Variants in CACNB4 observed in about 807,000 individuals in gnomAD.
The protein encoded by CACNB4 is calcium voltage-gated channel auxiliary subunit beta 4, also known as voltage-dependent L-type calcium channel subunit beta-4.
CACNB4 carries 32 observed loss-of-function variants against 71.2 expected under a neutral mutation model. The observed-to-expected ratio is 0.45, with a 90% CI of 0.34 to 0.60. The LOEUF is 0.60. CACNB4 is among the 20% of genes least tolerant of loss of function. CACNB4 has a pLI of 0.01. For synonymous variants in CACNB4, 231 were observed against 236.9 expected, an observed-to-expected ratio of 0.97 and a Z score of 0.23; for missense variants, 464 against 647.9, an observed-to-expected ratio of 0.72 and a Z score of 3.08.
intron 2 of CACNB4, among the ~76,000 whole-genome samples, chr2:152,067,937 T>C (rs1175439100): frequency 6.6e-6 from 1 of 152,200 alleles, no homozygotes; most frequent in Non-Finnish European, 1.5e-5. Flanking sequence ...GAGGTAATAT[T>C]AAAATTATAT....
At chr2:152,032,326 C>T (rs1351697765) in intron 2 of CACNB4, among the ~76,000 whole-genome samples, 2 of 152,226 alleles carry the variant, frequency 1.3e-5, no homozygotes, top group African/African-American at 4.8e-5. Context: ...TGTCTCCTGA[C>T]TCTCAGTGTA....
chr2:152,037,161 C>T (rs1684639383), intron 2 of CACNB4, among the ~76,000 whole-genome samples: 1 of 152,192 alleles, frequency 6.6e-6, no homozygotes, highest in Admixed American at 6.5e-5. Flanking sequence ...TGTTTTGTTA[C>T]CTTCTCAATG....
chr2:151,945,975 CTAT>C (rs1455629429), intron 2 of CACNB4, among the ~76,000 whole-genome samples: 1 of 151,166 alleles, frequency 6.6e-6, no homozygotes, highest in Non-Finnish European at 1.5e-5. Flanking sequence ...TAAATGTTAG[CTAT>C]TATTATTACT....
At chr2:152,093,485 T>TA (rs1688098313) in intron 2 of CACNB4, among the ~76,000 whole-genome samples, 1 of 151,870 alleles carries the variant, frequency 6.6e-6, no homozygotes, top group African/African-American at 2.4e-5. Flanking sequence ...CATCAAAAGA[T>TA]AGTCTGTTTT....
At chr2:151,840,454 A>G (rs139023810) in intron 13 of CACNB4, among the ~76,000 whole-genome samples, 1 of 152,392 alleles carries the variant, frequency 6.6e-6, no homozygotes, top group African/African-American at 2.4e-5. Flanking sequence ...TTGCATTTCT[A>G]CGTACATTAC....
intron 2 of CACNB4, among the ~76,000 whole-genome samples, chr2:152,007,040 A>G (rs1162715393): frequency 6.6e-6 from 1 of 152,210 alleles, no homozygotes; most frequent in Non-Finnish European, 1.5e-5. Context: ...GAGATGAGCA[A>G]TAAGTTAGAT....
chr2:152,021,308 C>T (rs951920549), intron 2 of CACNB4, among the ~76,000 whole-genome samples: 2 of 152,002 alleles, frequency 1.3e-5, no homozygotes, highest in African/African-American at 4.8e-5. Context: ...ATATTCTCTA[C>T]CTTATATTTA....
rs528231616 is a variant in CACNB4, at chr2:152,006,783, C to T, written c.147+91547G>A. On this transcript the variant is annotated intron_variant, in intron 2 of 13. Coordinates refer to ENST00000539935, the MANE Select transcript of CACNB4 (RefSeq NM_000726.5). Reference sequence around the variant, plus strand: ...CATACGAACCCTACATACCAACCATCGTCATGGCAGCTGAATATTTAAGTT... The same window carrying T: ...CATACGAACCCTACATACCAACCATTGTCATGGCAGCTGAATATTTAAGTT... 3.9e-5 allele frequency among the ~76,000 whole-genome samples: 6 copies of T among 152,302 alleles called. No homozygotes were observed. The South Asian group carries it at 1.0e-3, about 26-fold the overall frequency.
At chr2:151,858,881 A>G (rs528654770) in intron 10 of CACNB4, 1 of 152,030 alleles carries the variant, frequency 6.6e-6, no homozygotes, top group Non-Finnish European at 1.5e-5. Flanking sequence ...ACATCTCTTA[A>G]CCCCTACTCT....
At chr2:151,884,756 C>T (rs1247544450) in intron 2 of CACNB4, among the ~76,000 whole-genome samples, 2 of 151,976 alleles carry the variant, frequency 1.3e-5, no homozygotes, top group African/African-American at 4.8e-5. Flanking sequence ...TGTCTTATGG[C>T]TGCTACAGGA....
chr2:151,865,122 T>C (rs1390681401), intron 9 of CACNB4, among the ~76,000 whole-genome samples: 1 of 152,214 alleles, frequency 6.6e-6, no homozygotes, highest in East Asian at 1.9e-4. Context: ...AGAATGAAAT[T>C]GATTACGAAA....
At chr2:151,880,720 C>T in intron 4 of CACNB4, 80 bp downstream of exon 4, 2 of 1,507,516 alleles carry the variant, frequency 1.3e-6, no homozygotes, top group East Asian at 2.4e-5. Flanking sequence ...TGGGTCTCCT[C>T]TCTGGCTAGT....
intron 2 of CACNB4, among the ~76,000 whole-genome samples, chr2:151,981,902 A>G (rs1290662119): frequency 6.6e-6 from 1 of 152,180 alleles, no homozygotes; most frequent in East Asian, 1.9e-4. Context: ...TGACTCTAAA[A>G]TACTGAGCTT....
chr2:151,975,496 T>C (rs1352128244), intron 2 of CACNB4, among the ~76,000 whole-genome samples: 3 of 152,158 alleles, frequency 2.0e-5, no homozygotes, highest in Non-Finnish European at 1.5e-5. Flanking sequence ...TTTGAACAGA[T>C]TGTCACCTCT....
chr2:151,960,499 G>A (rs1482807201), intron 2 of CACNB4, among the ~76,000 whole-genome samples: 1 of 152,164 alleles, frequency 6.6e-6, no homozygotes, highest in East Asian at 1.9e-4. Context: ...GGTATCTGCT[G>A]GCTGGGCACA....
intron 2 of CACNB4, among the ~76,000 whole-genome samples, chr2:152,080,026 G>T (rs546361656): frequency 4.6e-5 from 7 of 152,006 alleles, no homozygotes; most frequent in Non-Finnish European, 8.8e-5. Context: ...TTATTGAATT[G>T]TACTCCAGCA....
At chr2:151,952,204 A>G (rs1471297052) in intron 2 of CACNB4, among the ~76,000 whole-genome samples, 1 of 152,216 alleles carries the variant, frequency 6.6e-6, no homozygotes, top group East Asian at 1.9e-4. Flanking sequence ...CCATCCACTC[A>G]GAATGGAATC....
intron 2 of CACNB4, among the ~76,000 whole-genome samples, chr2:151,953,123 G>T (rs1449282336): frequency 4.6e-5 from 7 of 152,172 alleles, no homozygotes; most frequent in Admixed American, 4.6e-4. Context: ...TCCTGACACA[G>T]AAAATGAATA....
chr2:152,006,192 G>T, intron 2 of CACNB4, among the ~76,000 whole-genome samples: 1 of 152,016 alleles, frequency 6.6e-6, no homozygotes, highest in East Asian at 1.9e-4. Flanking sequence ...TGTCATCCAA[G>T]CCCATCAGTG....
Sources: gnomAD v4.1 joint callset for allele counts (sites outside exome capture counted in the v4.1 genomes callset) on GRCh38, gnomAD v4.1.1 for gene constraint, MANE v1.5 for transcripts, NCBI Gene and HGNC (gene_info 2026-07-23, HGNC 2026-07-21) for gene names.